SLC2A10: variants seen among roughly 807,000 people sequenced by gnomAD.
SLC2A10 encodes solute carrier family 2, facilitated glucose transporter member 10.
Under a neutral mutation model 32.1 loss-of-function variants are expected in SLC2A10, and 25 were observed. The observed-to-expected ratio is 0.78, with a 90% CI of 0.57 to 1.09. The LOEUF is 1.09. Among genes scored for constraint, SLC2A10 ranks in the 50% least tolerant of loss-of-function variants. The pLI, the probability that SLC2A10 is intolerant of heterozygous loss-of-function variation, is 0.00. For synonymous variants in SLC2A10, 332 were observed against 309.6 expected (o/e 1.07, Z -0.76); for missense variants, 673 against 686.5 (o/e 0.98, Z 0.22).
upstream of SLC2A10, among the ~76,000 whole-genome samples, chr20:46,708,348 T>G (rs1034502124): frequency 1.3e-5 from 2 of 152,180 alleles, no homozygotes; most frequent in African/African-American, 4.8e-5. Flanking sequence ...GCTGCGCCCA[T>G]GTGAGTGCTG....
At chr20:46,728,652 C>A in intron 3 of SLC2A10, among the ~76,000 whole-genome samples, 1 of 146,636 alleles carries the variant, frequency 6.8e-6, no homozygotes, top group African/African-American at 2.6e-5. Context: ...ACTCTGTCGC[C>A]CTGAGTGCAG....
At chr20:46,720,256 C>A (rs1047087892) in intron 1 of SLC2A10, among the ~76,000 whole-genome samples, 1 of 152,056 alleles carries the variant, frequency 6.6e-6, no homozygotes, top group African/African-American at 2.4e-5. Context: ...CCACAGCTCT[C>A]GGATCACTGG....
rs1980472066 is a variant in SLC2A10 at position 46,734,462 on chromosome 20, A to G, written c.*628A>G. ...CCCAGCTAATTTATTTTTAGCAGAG[A>G]TGGGGTTTCACTGTGTTGGCCAGGC... On this transcript the variant is annotated 3_prime_UTR_variant, in exon 5 of 5. Coordinates refer to ENST00000359271, the MANE Select transcript of SLC2A10 (RefSeq NM_030777.4). 2 of 158,686 alleles carry G rather than the reference A, an allele frequency of 1.3e-5. No homozygotes were observed. Among genetic ancestry groups the G allele is most frequent in the African/African-American group, 4.8e-5 (2 of 41,454 alleles). 9.8% of individuals were successfully genotyped at this position (158,686 alleles called of 1,614,324 possible).
At chr20:46,713,856 C>T (rs1401235749) in intron 1 of SLC2A10, among the ~76,000 whole-genome samples, 1 of 152,110 alleles carries the variant, frequency 6.6e-6, no homozygotes, top group Non-Finnish European at 1.5e-5. Context: ...AGTCTCTATC[C>T]CTGCCCTCCT....
intron 4 of SLC2A10, among the ~76,000 whole-genome samples, chr20:46,732,442 G>A (rs537591207): frequency 6.6e-6 from 1 of 152,250 alleles, no homozygotes; most frequent in East Asian, 1.9e-4. Flanking sequence ...GGACTTAGAA[G>A]GAAGTTACAT....
chr20:46,723,317 C>T (rs567774381), intron 1 of SLC2A10, among the ~76,000 whole-genome samples: 2 of 152,124 alleles, frequency 1.3e-5, no homozygotes, highest in Non-Finnish European at 2.9e-5. Context: ...TTTCCCTCCT[C>T]ACCCTCTTCT....
At chr20:46,729,545 A>T in intron 4 of SLC2A10, 57 bp downstream of exon 4, 1 of 1,599,582 alleles carries the variant, frequency 6.3e-7, no homozygotes. Context: ...CCAAGCACAC[A>T]GCTTCAGGAT....
At chr20:46,720,891 A>C (rs1287462169) in intron 1 of SLC2A10, among the ~76,000 whole-genome samples, 4 of 152,124 alleles carry the variant, frequency 2.6e-5, no homozygotes, top group African/African-American at 4.8e-5. Context: ...TTAACAAAAC[A>C]CTCCAAGACT....
intron 1 of SLC2A10, among the ~76,000 whole-genome samples, chr20:46,722,568 C>T (rs1297565315): frequency 6.6e-6 from 1 of 152,188 alleles, no homozygotes; most frequent in Non-Finnish European, 1.5e-5. Context: ...TGTAGAACAA[C>T]TTGGTATGTG....
At position 46,715,414 on chromosome 20, in the gene SLC2A10, C is replaced by T. The variant is rs571929606; in HGVS notation, c.4+5674C>T. ...GCAAACAAATCCTGGGCTTTCACCTCGATTGCTTCACATGGCCTGGAAGGA... is the reference window on the plus strand; with the variant it reads ...GCAAACAAATCCTGGGCTTTCACCTTGATTGCTTCACATGGCCTGGAAGGA... On this transcript the variant is annotated intron_variant, in intron 1 of 4. Coordinates refer to ENST00000359271, the MANE Select transcript of SLC2A10 (RefSeq NM_030777.4). Among the ~76,000 whole-genome samples the T allele has an allele frequency of 4.6e-5, 7 of 152,144 alleles. No homozygotes were observed. In the East Asian group the frequency reaches 1.4e-3, roughly 29 times the overall value.
intron 1 of SLC2A10, among the ~76,000 whole-genome samples, chr20:46,721,809 A>G (rs1456550082): frequency 1.3e-5 from 2 of 152,218 alleles, no homozygotes; most frequent in Non-Finnish European, 2.9e-5. Flanking sequence ...TTGTCTATGT[A>G]TAGCAATTCC....
chr20:46,712,656 T>C (rs1450439950), intron 1 of SLC2A10, among the ~76,000 whole-genome samples: 50 of 140,508 alleles, frequency 3.6e-4, no homozygotes, highest in African/African-American at 7.9e-4. Context: ...TCTTTCTTTT[T>C]TTTTTTTTTT....
intron 3 of SLC2A10, among the ~76,000 whole-genome samples, chr20:46,728,459 C>T (rs927781999): frequency 2.6e-5 from 4 of 152,100 alleles, no homozygotes; most frequent in East Asian, 3.8e-4. Context: ...TGAGACCCAC[C>T]GGAGGCTCTA....
chr20:46,722,589 A>C (rs1311834131), intron 1 of SLC2A10, among the ~76,000 whole-genome samples: 1 of 152,162 alleles, frequency 6.6e-6, no homozygotes, highest in Non-Finnish European at 1.5e-5. Context: ...GGGCCCAAAT[A>C]TCCATCATCA....
At position 46,725,850 on chromosome 20, in the gene SLC2A10, G is replaced by A; in HGVS notation, c.814G>A (p.Ala272Thr). The A allele has an allele frequency of 1.2e-6, 2 of 1,614,240 alleles. No individual in the cohort carries two copies. Among genetic ancestry groups the A allele is most frequent in the Non-Finnish European group, 1.7e-6 (2 of 1,180,032 alleles). ...CCATGGGGGATCCTCAGCCGTGCTG[G>A]CCTCTGTGGGGCTTGGCGCAGTGAA... ...GFHGGSSAVL[A>T]SVGLGAVKVA... Residue 272 changes from alanine (A) to threonine (T), a missense_variant, in exon 2 of 5, where the codon GCC becomes ACC. By Grantham distance (58) the Ala-to-Thr change is moderately conservative. Coordinates refer to ENST00000359271, the MANE Select transcript of SLC2A10 (RefSeq NM_030777.4).
At position 46,724,875 on chromosome 20, in the gene SLC2A10, C is replaced by CGGATGGATGGATGGATGGAT. The variant is rs3092014; in HGVS notation, c.5-155_5-136dup. On this transcript the variant is annotated intron_variant, in intron 1 of 4. Transcript: ENST00000359271. Reference sequence around the variant, plus strand: ...TGAATTGATGGAGTGGATGGATGGACGGATGGATGGATGGATGGATGGATG... The same window carrying CGGATGGATGGATGGATGGAT: ...TGAATTGATGGAGTGGATGGATGGACGGATGGATGGATGGATGGATGGATGGATGGATGGATGGATGGATG... Among the ~76,000 whole-genome samples, 238 of 139,866 alleles carry CGGATGGATGGATGGATGGAT rather than the reference C, an allele frequency of 1.7e-3. 2 individuals are homozygous for CGGATGGATGGATGGATGGAT. Among genetic ancestry groups the CGGATGGATGGATGGATGGAT allele is most frequent in the Middle Eastern group, 7.4e-3 (2 of 272 alleles). The allele number at this position is 139,866 out of a possible 152,430, so 91.8% of individuals were successfully genotyped here.
Position 46,735,935 on chromosome 20 carries a change from A to G in SLC2A10, c.*2101A>G, listed in dbSNP as rs1251414745. ...GTCTTCCTCACTAGTGTAAACAAAAATTTCAACCAGCATTCATGCCGAACC... is the reference window on the plus strand; with the variant it reads ...GTCTTCCTCACTAGTGTAAACAAAAGTTTCAACCAGCATTCATGCCGAACC... On this transcript the variant is annotated 3_prime_UTR_variant, in exon 5 of 5. Transcript: ENST00000359271. 1 of 152,228 alleles carries G rather than the reference A, an allele frequency of 6.6e-6. No homozygotes were observed. Among genetic ancestry groups the G allele is most frequent in the East Asian group, 1.9e-4 (1 of 5,198 alleles). 9.4% of individuals were successfully genotyped at this position (152,228 alleles called of 1,614,324 possible).
At chr20:46,730,604 G>A (rs1980245255) in intron 4 of SLC2A10, among the ~76,000 whole-genome samples, 1 of 152,194 alleles carries the variant, frequency 6.6e-6, no homozygotes. Context: ...GCATGTGCAA[G>A]GAACAACAAG....
chr20:46,720,207 C>G (rs937480513), intron 1 of SLC2A10, among the ~76,000 whole-genome samples: 4 of 152,138 alleles, frequency 2.6e-5, no homozygotes, highest in African/African-American at 9.7e-5. Context: ...GAGGTATGCA[C>G]AGATACACAA....
Sources: allele counts gnomAD v4.1 joint callset (sites outside exome capture counted in the v4.1 genomes callset), GRCh38; gene constraint gnomAD v4.1.1; transcripts MANE v1.5; gene names NCBI Gene and HGNC (gene_info 2026-07-23, HGNC 2026-07-21).